Variants in DNAH7 observed in about 807,000 individuals in gnomAD.
DNAH7 encodes axonemal beta dynein heavy chain 7.
DNAH7 carries 397 observed loss-of-function variants against 444.6 expected under a neutral mutation model. The ratio of observed to expected loss-of-function variants is 0.89; its 90% CI spans 0.82 to 0.97. The LOEUF (loss-of-function observed/expected upper bound fraction) is 0.97. Among genes scored for constraint, DNAH7 ranks in the 50% least tolerant of loss-of-function variants. The probability of loss-of-function intolerance (pLI) is 0.00; values close to 1 mark genes in which losing one functional copy is unlikely to be tolerated. For synonymous variants in DNAH7, 1,636 were observed against 1,624.4 expected (o/e 1.01, Z -0.17); for missense variants, 4,902 against 4,800.8 (o/e 1.02, Z -0.62).
intron 9 of DNAH7, among the ~76,000 whole-genome samples, chr2:196,014,162 T>C (rs1182046986): frequency 6.6e-6 from 1 of 152,202 alleles, no homozygotes; most frequent in African/African-American, 2.4e-5. Context: ...TACCAGACAC[T>C]GTTCTTGCTT....
intron 15 of DNAH7, among the ~76,000 whole-genome samples, chr2:195,974,814 T>C (rs1692077397): frequency 6.7e-6 from 1 of 148,744 alleles, no homozygotes; most frequent in African/African-American, 2.5e-5. Context: ...ATGAAGGACC[T>C]CAATCCAAGT....
At chr2:195,812,118 C>G (rs888863346) in intron 51 of DNAH7, among the ~76,000 whole-genome samples, 2 of 152,160 alleles carry the variant, frequency 1.3e-5, no homozygotes, top group Admixed American at 6.5e-5. Context: ...CACCCAGAAG[C>G]AGACTCAGGG....
intron 39 of DNAH7, among the ~76,000 whole-genome samples, chr2:195,873,343 A>C (rs958778146): frequency 3.9e-5 from 6 of 152,202 alleles, no homozygotes; most frequent in African/African-American, 1.4e-4. Flanking sequence ...GAAAATTCAA[A>C]ATAATAACTC....
chr2:195,876,493 A>G (rs779692035), intron 37 of DNAH7, 51 bp downstream of exon 37: 5 of 1,536,546 alleles, frequency 3.3e-6, no homozygotes, highest in Non-Finnish European at 4.4e-6. Flanking sequence ...CCTTGTTCCA[A>G]CTGCAGCAAT....
chr2:195,803,841 A>T (rs1169486608), intron 54 of DNAH7, among the ~76,000 whole-genome samples: 1 of 152,252 alleles, frequency 6.6e-6, no homozygotes, highest in African/African-American at 2.4e-5. Context: ...AAATGGACTC[A>T]AAACATTCCA....
chr2:195,934,540 A>G lies in DNAH7; in HGVS notation c.3471+51T>C, dbSNP rs1458629653. The G allele has an allele frequency of 4.6e-6, 7 of 1,528,548 alleles. No individual in the cohort carries two copies. The Admixed American group carries it at 5.2e-5, about 11-fold the overall frequency. The allele number at this position is 1,528,548 out of a possible 1,614,324, so 94.7% of individuals were successfully genotyped here. On this transcript the variant is annotated intron_variant, in intron 21 of 64. Coordinates refer to ENST00000312428, the MANE Select transcript of DNAH7 (RefSeq NM_018897.3). The stretch of plus-strand genomic sequence containing the variant: ...ATTTATCAACAGAATATTTCTAATA[A>G]CATTCATATTCTAGCATCCTTTTCT...
chr2:195,934,852 T>C (rs1308235954), intron 20 of DNAH7, 63 bp from the exon 21 acceptor site: 4 of 1,556,812 alleles, frequency 2.6e-6, no homozygotes, highest in Non-Finnish European at 3.5e-6. Context: ...CACTCCAGAG[T>C]TCTTCGTTTA....
Position 196,054,807 on chromosome 2 carries a change from G to A in DNAH7, c.78+3247C>T, listed in dbSNP as rs576136930. Among the ~76,000 whole-genome samples the A allele has an allele frequency of 8.5e-5, 13 of 152,156 alleles. No homozygotes were observed. In the East Asian group the frequency reaches 2.5e-3, roughly 29 times the overall value. On this transcript the variant is annotated intron_variant, in intron 2 of 64. Coordinates refer to ENST00000312428, the MANE Select transcript of DNAH7 (RefSeq NM_018897.3). ...CACAAAATCTGATGGTTTTATAAGG[G>A]GCTTCCCCTTCACTTGGCTCTCATT...
At chr2:195,793,520 C>T (rs1467032116) in intron 57 of DNAH7, among the ~76,000 whole-genome samples, 3 of 152,188 alleles carry the variant, frequency 2.0e-5, no homozygotes, top group Admixed American at 6.5e-5. Flanking sequence ...GAGTAACTTG[C>T]TCTCTCTGGC....
rs945768894 is a variant in DNAH7 at position 195,888,444 on chromosome 2, C to T, written c.5230-10G>A. 1.1e-5 allele frequency: 18 copies of T among 1,577,034 alleles called. No homozygotes were observed. Among genetic ancestry groups the T allele is most frequent in the Non-Finnish European group, 1.5e-5 (18 of 1,169,460 alleles). On this transcript the variant is annotated splice_polypyrimidine_tract_variant and intron_variant, in intron 32 of 64. Transcript: ENST00000312428. Reference sequence around the variant, plus strand: ...TGCCACATCTGGAAACCTGGAAAGCCATAATTGGTTACCATCAAGGTAATA... The same window carrying T: ...TGCCACATCTGGAAACCTGGAAAGCTATAATTGGTTACCATCAAGGTAATA...
At chr2:195,937,470 A>G (rs1405781436) in intron 19 of DNAH7, among the ~76,000 whole-genome samples, 3 of 152,180 alleles carry the variant, frequency 2.0e-5, no homozygotes, top group Non-Finnish European at 4.4e-5. Context: ...AAGTGATTCA[A>G]ACACAATCAA....
intron 43 of DNAH7, 109 bp from the exon 44 acceptor site, chr2:195,857,832 G>C: frequency 2.1e-6 from 2 of 969,432 alleles, no homozygotes; most frequent in East Asian, 5.3e-5. Flanking sequence ...TGTTCACTGG[G>C]TAGAAATGGT....
Position 195,816,794 on chromosome 2 carries a change from T to C in DNAH7, c.9595A>G (p.Thr3199Ala), listed in dbSNP as rs1697242925. ...GCAATAGGACGATAGCCCATGCGGGTGGTGTCAATCTTTTTCTCTGTCTCT... is the reference window on the plus strand; with the variant it reads ...GCAATAGGACGATAGCCCATGCGGGCGGTGTCAATCTTTTTCTCTGTCTCT... ...AEETEKKIDT[T>A]RMGYRPIAIH... The change falls in exon 51 of 65, where the codon ACC becomes GCC. Residue 3199 changes from threonine to alanine, a missense_variant. Coordinates refer to ENST00000312428, the MANE Select transcript of DNAH7 (RefSeq NM_018897.3). The C allele has an allele frequency of 1.2e-6, 2 of 1,613,962 alleles. No individual in the cohort carries two copies. Among genetic ancestry groups the C allele is most frequent in the Non-Finnish European group, 1.7e-6 (2 of 1,179,924 alleles).
chr2:195,921,969 GA>G, intron 24 of DNAH7, 118 bp downstream of exon 24: 2 of 624,054 alleles, frequency 3.2e-6, no homozygotes, highest in Non-Finnish European at 5.6e-6. Context: ...AAGGGTCTAG[GA>G]AAAAATAACA....
rs1409262197 is a variant in DNAH7, at chr2:195,873,743, G to A, written c.6287-49C>T. The stretch of plus-strand genomic sequence containing the variant: ...TTAATAATGTTACTAGTATATACAA[G>A]AGTATTTTCTCAAATATTCTATAGT... On this transcript the variant is annotated intron_variant, in intron 38 of 64. Coordinates refer to ENST00000312428, the MANE Select transcript of DNAH7 (RefSeq NM_018897.3). The A allele has an allele frequency of 4.5e-6, 6 of 1,340,302 alleles. No individual in the cohort carries two copies. The African/African-American group carries it at 7.7e-5, about 17-fold the overall frequency. The allele number at this position is 1,340,302 out of a possible 1,614,324, so 83.0% of individuals were successfully genotyped here.
intron 61 of DNAH7, among the ~76,000 whole-genome samples, chr2:195,769,088 A>AT (rs1234022187): frequency 6.6e-6 from 1 of 152,156 alleles, no homozygotes; most frequent in African/African-American, 2.4e-5. Flanking sequence ...AATTTGAAAT[A>AT]TTTTCTTCCT....
chr2:195,747,404 G>C (rs925761040), intron 63 of DNAH7, among the ~76,000 whole-genome samples: 1 of 152,174 alleles, frequency 6.6e-6, no homozygotes, highest in Non-Finnish European at 1.5e-5. Context: ...AATTCTACCA[G>C]AGGCACAAGG....
intron 11 of DNAH7, among the ~76,000 whole-genome samples, chr2:196,001,391 G>T (rs561362895): frequency 6.7e-6 from 1 of 148,874 alleles, no homozygotes; most frequent in Non-Finnish European, 1.5e-5. Flanking sequence ...TTGAGACAGG[G>T]TCTCGCTCTG....
intron 13 of DNAH7, 56 bp downstream of exon 13, chr2:195,987,901 A>T: frequency 6.8e-7 from 1 of 1,470,098 alleles, no homozygotes; most frequent in Non-Finnish European, 9.2e-7. Context: ...TCCTAATAAA[A>T]CTGGGGAAAA....
Sources: gnomAD v4.1 joint callset for allele counts (sites outside exome capture counted in the v4.1 genomes callset) on GRCh38, gnomAD v4.1.1 for gene constraint, MANE v1.5 for transcripts, NCBI Gene and HGNC (gene_info 2026-07-23, HGNC 2026-07-21) for gene names.